EYS: variants seen among roughly 807,000 people sequenced by gnomAD.
EYS encodes the protein protein eyes shut homolog.
A neutral mutation model predicts 282.1 loss-of-function variants in EYS; 250 were observed. The ratio of observed to expected loss-of-function variants is 0.89; its 90% CI spans 0.80 to 0.98. The LOEUF (loss-of-function observed/expected upper bound fraction) is 0.98, where lower values mean the gene tolerates loss of function less well. Among genes scored for constraint, EYS ranks in the 50% least tolerant of loss-of-function variants. The pLI, the probability that EYS is intolerant of heterozygous loss-of-function variation, is 0.00. For synonymous variants in EYS, 1,355 were observed against 1,282.9 expected (o/e 1.06, Z -1.20); for missense variants, 4,016 against 3,709.0 (o/e 1.08, Z -2.15).
intron 12 of EYS, among the ~76,000 whole-genome samples, chr6:65,085,456 C>T (rs563999502): frequency 2.0e-5 from 3 of 152,274 alleles, no homozygotes; most frequent in East Asian, 3.9e-4. Context: ...CAGAAATGAA[C>T]CATCACTGTG....
intron 12 of EYS, among the ~76,000 whole-genome samples, chr6:65,270,772 CT>C (rs1245761336): frequency 6.6e-6 from 1 of 151,998 alleles, no homozygotes; most frequent in African/African-American, 2.4e-5. Context: ...CAGCAAAGTT[CT>C]TTGCTAGTTT....
At chr6:65,057,567 T>G in intron 13 of EYS, 47 bp downstream of exon 13, 5 of 1,170,284 alleles carry the variant, frequency 4.3e-6, no homozygotes, top group Non-Finnish European at 6.3e-6. Context: ...GAAGTGCTTT[T>G]TAAAGTTAAT....
chr6:63,943,000 T>G (rs1765288631), intron 35 of EYS, among the ~76,000 whole-genome samples: 1 of 152,226 alleles, frequency 6.6e-6, no homozygotes, highest in South Asian at 2.1e-4. Context: ...AAGAATACAG[T>G]ATATAATGTA....
intron 33 of EYS, among the ~76,000 whole-genome samples, chr6:64,040,342 A>G (rs1397699531): frequency 1.3e-5 from 2 of 152,272 alleles, no homozygotes; most frequent in Non-Finnish European, 2.9e-5. Context: ...AAATTACTTA[A>G]GTGTAATTTG....
At chr6:64,459,826 A>G (rs956017298) in intron 26 of EYS, among the ~76,000 whole-genome samples, 2 of 152,116 alleles carry the variant, frequency 1.3e-5, no homozygotes, top group Admixed American at 1.3e-4. Context: ...ACTGACTCAA[A>G]TGTTAATTTC....
intron 35 of EYS, among the ~76,000 whole-genome samples, chr6:63,952,608 A>T (rs1306370124): frequency 6.6e-6 from 1 of 152,090 alleles, no homozygotes; most frequent in Non-Finnish European, 1.5e-5. Flanking sequence ...ACTCCTTTTT[A>T]GTTATCCCCA....
At chr6:65,097,348 G>A (rs1195534376) in intron 12 of EYS, among the ~76,000 whole-genome samples, 2 of 150,572 alleles carry the variant, frequency 1.3e-5, no homozygotes, top group Non-Finnish European at 3.0e-5. Flanking sequence ...AAGATAACAA[G>A]TATTGGTGAG....
intron 33 of EYS, among the ~76,000 whole-genome samples, chr6:64,032,474 A>G (rs796836497): frequency 1.1e-4 from 16 of 152,346 alleles, no homozygotes; most frequent in African/African-American, 3.6e-4. Context: ...TTTCTATACC[A>G]CGTGTCTGTG....
At chr6:64,007,621 T>C (rs1768412784) in intron 33 of EYS, among the ~76,000 whole-genome samples, 1 of 152,150 alleles carries the variant, frequency 6.6e-6, no homozygotes, top group Non-Finnish European at 1.5e-5. Context: ...GATATGGGCA[T>C]TTAGCACTAT....
At chr6:64,503,844 G>A (rs2150513699) in intron 26 of EYS, among the ~76,000 whole-genome samples, 1 of 152,216 alleles carries the variant, frequency 6.6e-6, no homozygotes, top group East Asian at 1.9e-4. Context: ...TTGGACCCTG[G>A]GGGAGGATTT....
intron 22 of EYS, among the ~76,000 whole-genome samples, chr6:64,635,249 C>T (rs9345327): frequency 0.95 from 144,841 of 152,204 alleles, 69,316 homozygotes; most frequent in East Asian, 1. Flanking sequence ...TTTCCAGATA[C>T]ACAATCATGT....
chr6:65,214,674 T>C (rs1433689926), intron 12 of EYS, among the ~76,000 whole-genome samples: 1 of 152,154 alleles, frequency 6.6e-6, no homozygotes, highest in Non-Finnish European at 1.5e-5. Context: ...AGCCTTATAT[T>C]GGAAAAAGAC....
At chr6:64,778,437 G>T (rs780396028) in intron 22 of EYS, among the ~76,000 whole-genome samples, 2 of 152,162 alleles carry the variant, frequency 1.3e-5, no homozygotes, top group Non-Finnish European at 2.9e-5. Flanking sequence ...AACAATAGGG[G>T]AAGACAATCT....
chr6:63,991,361 G>A (rs1454517693), intron 34 of EYS, among the ~76,000 whole-genome samples: 2 of 151,466 alleles, frequency 1.3e-5, no homozygotes, highest in Admixed American at 6.6e-5. Flanking sequence ...ATAATCAAAG[G>A]AACAAAATAG....
rs555132978 is a variant in EYS at position 65,353,398 on chromosome 6, G to A, written c.1459+60C>T. 70 of 1,451,914 alleles carry A rather than the reference G, an allele frequency of 4.8e-5. No homozygotes were observed. The East Asian group carries it at 4.8e-4, about 10-fold the overall frequency. 89.9% of individuals were successfully genotyped at this position (1,451,914 alleles called of 1,614,324 possible). A position where few individuals can be genotyped will look rare whatever the true frequency, so the allele number is the denominator to read the frequency against. Reference sequence around the variant, plus strand: ...CTTTGTGTGTTTAGAAAATGAATACGTGACTAGCAAATTTTGAAATGATTC... The same window carrying A: ...CTTTGTGTGTTTAGAAAATGAATACATGACTAGCAAATTTTGAAATGATTC... On this transcript the variant is annotated intron_variant, in intron 9 of 42. Coordinates refer to ENST00000503581, the MANE Select transcript of EYS (RefSeq NM_001142800.2).
At chr6:65,335,663 T>C (rs550994314) in intron 10 of EYS, among the ~76,000 whole-genome samples, 59 of 151,790 alleles carry the variant, frequency 3.9e-4, no homozygotes, top group Non-Finnish European at 6.5e-4. Flanking sequence ...TCATTGAACA[T>C]GTGCTTGCCT....
chr6:65,419,734 T>G (rs1767381156), intron 5 of EYS, among the ~76,000 whole-genome samples: 1 of 152,026 alleles, frequency 6.6e-6, no homozygotes, highest in Middle Eastern at 3.4e-3. Context: ...TATTTTAAAT[T>G]TTGTTTATAC....
chr6:63,801,861 CT>C (rs1169651279), intron 37 of EYS, among the ~76,000 whole-genome samples: 1 of 152,066 alleles, frequency 6.6e-6, no homozygotes, highest in Non-Finnish European at 1.5e-5. Flanking sequence ...TGTCCCCTTG[CT>C]TTTTTATGGA....
In EYS at chr6:64,153,747, T is replaced by C. The variant is rs115285970; in HGVS notation, c.6425-71745A>G. On this transcript the variant is annotated intron_variant, in intron 31 of 42. Transcript: ENST00000503581. ...AAGAGCAATTTGGAATTATCTAATATAGTCAAAGATGTGGATACCCTTTGA... is the reference window on the plus strand; with the variant it reads ...AAGAGCAATTTGGAATTATCTAATACAGTCAAAGATGTGGATACCCTTTGA... Among the ~76,000 whole-genome samples, 639 of 152,318 alleles carry C rather than the reference T, an allele frequency of 4.2e-3. 4 individuals are homozygous for C. The highest frequency in any genetic ancestry group is 0.015 in the African/African-American group (607 of 41,570).
Sources: allele counts gnomAD v4.1 joint callset (sites outside exome capture counted in the v4.1 genomes callset), GRCh38; gene constraint gnomAD v4.1.1; transcripts MANE v1.5; gene names NCBI Gene and HGNC (gene_info 2026-07-23, HGNC 2026-07-21).